HECW1: variants seen among roughly 807,000 people sequenced by gnomAD.
HECW1 encodes HECT, C2 and WW domain containing E3 ubiquitin protein ligase 1, also known as E3 ubiquitin-protein ligase HECW1.
HECW1 carries 61 observed loss-of-function variants against 182.3 expected under a neutral mutation model. That is an observed-to-expected ratio of 0.33 (90% CI 0.27 to 0.41). HECW1 has a LOEUF of 0.41. Ranked by LOEUF, HECW1 falls within the 10% of genes least tolerant of loss-of-function variation. The pLI is 1.00. For synonymous variants in HECW1, 859 were observed against 832.6 expected (o/e 1.03, Z -0.55); for missense variants, 1,739 against 2,108.9 (o/e 0.82, Z 3.44).
intron 2 of HECW1, among the ~76,000 whole-genome samples, chr7:43,190,867 T>C (rs921277938): frequency 1.3e-5 from 2 of 152,248 alleles, no homozygotes; most frequent in African/African-American, 4.8e-5. Context: ...TTCTGGCTGC[T>C]AATAGGTCAC....
intron 2 of HECW1, among the ~76,000 whole-genome samples, chr7:43,186,632 G>A (rs971136060): frequency 2.1e-5 from 3 of 144,200 alleles, no homozygotes; most frequent in Non-Finnish European, 4.5e-5. Flanking sequence ...TTGCACCACC[G>A]CACTCCAGCC....
intron 2 of HECW1, among the ~76,000 whole-genome samples, chr7:43,157,799 G>A (rs114845199): frequency 0.02 from 3,039 of 152,234 alleles, 85 homozygotes; most frequent in African/African-American, 0.069. Context: ...GAGCTCAAGC[G>A]GTGCACCTGT....
intron 5 of HECW1, among the ~76,000 whole-genome samples, chr7:43,347,156 C>T (rs1162372869): frequency 6.6e-6 from 1 of 152,162 alleles, no homozygotes; most frequent in African/African-American, 2.4e-5. Flanking sequence ...TTTGTGTCAT[C>T]TGTGATTTCT....
Position 43,541,627 on chromosome 7 carries a change from G to A in HECW1, c.4119-242G>A, listed in dbSNP as rs144972278. Among the ~76,000 whole-genome samples, 5 of 152,266 alleles carry A rather than the reference G, an allele frequency of 3.3e-5. No homozygotes were observed. The East Asian group carries it at 9.6e-4, about 29-fold the overall frequency. On this transcript the variant is annotated intron_variant, in intron 25 of 29. Coordinates refer to ENST00000395891, the MANE Select transcript of HECW1 (RefSeq NM_015052.5). ...TAGTTTTCTCCAATTTTCATGCAGA[G>A]TCCCTGAGTCAATAGTTATTTCATG...
intron 2 of HECW1, among the ~76,000 whole-genome samples, chr7:43,232,159 G>C (rs1387593557): frequency 2.6e-5 from 4 of 151,922 alleles, no homozygotes; most frequent in Non-Finnish European, 5.9e-5. Flanking sequence ...AAAAGAAAAA[G>C]TAGAGGACCT....
chr7:43,407,355 T>C (rs538897395), intron 7 of HECW1, among the ~76,000 whole-genome samples: 2 of 152,158 alleles, frequency 1.3e-5, no homozygotes, highest in Admixed American at 6.5e-5. Flanking sequence ...CCCATCAAAT[T>C]TCCAAAGTTG....
At chr7:43,195,506 C>T (rs1347038550) in intron 2 of HECW1, among the ~76,000 whole-genome samples, 1 of 152,126 alleles carries the variant, frequency 6.6e-6, no homozygotes, top group East Asian at 1.9e-4. Flanking sequence ...GTAGCCACGC[C>T]TCTTATGTTA....
chr7:43,445,061 C>T lies in HECW1; in HGVS notation c.1889C>T (p.Pro630Leu). 1 of 1,590,134 alleles carries T rather than the reference C, an allele frequency of 6.3e-7. No homozygotes were observed. The highest frequency in any genetic ancestry group is 8.6e-7 in the Non-Finnish European group (1 of 1,168,748). ...GGGGCTACTCCAGGCACGGCGCACC[C>T]TGGCCACTCCGGGGGCCACTTCCCC... ...PEGATPGTAH[P>L]GHSGGHFPSL... Residue 630 changes from proline to leucine, a missense_variant, in exon 11 of 30, where the codon CCT becomes CTT. Physicochemically the swap from Pro to Leu is moderately conservative, Grantham distance 98 (BLOSUM62 -3). Coordinates refer to ENST00000395891, the MANE Select transcript of HECW1 (RefSeq NM_015052.5).
At chr7:43,552,566 T>C (rs928361538) in intron 28 of HECW1, among the ~76,000 whole-genome samples, 3 of 152,174 alleles carry the variant, frequency 2.0e-5, no homozygotes, top group African/African-American at 7.2e-5. Context: ...TTGCTCTCAC[T>C]CTCACGCCCC....
At chr7:43,557,206 G>A (rs1255295040) in intron 29 of HECW1, among the ~76,000 whole-genome samples, 1 of 152,214 alleles carries the variant, frequency 6.6e-6, no homozygotes, top group Non-Finnish European at 1.5e-5. Flanking sequence ...CAGGCAGGAA[G>A]CAAAGCAGAC....
intron 5 of HECW1, among the ~76,000 whole-genome samples, chr7:43,335,772 C>G (rs369007208): frequency 1.0e-5 from 1 of 96,552 alleles, no homozygotes; most frequent in South Asian, 3.5e-4. Context: ...TTTCTTTTTT[C>G]TTTCTTCCTT....
chr7:43,514,239 G>A (rs1221572811), intron 24 of HECW1, among the ~76,000 whole-genome samples: 1 of 151,544 alleles, frequency 6.6e-6, no homozygotes, highest in African/African-American at 2.4e-5. Context: ...GTATGTGTCT[G>A]TTGTGTCTTT....
At chr7:43,483,829 G>A (rs1220301623) in intron 17 of HECW1, among the ~76,000 whole-genome samples, 7 of 152,112 alleles carry the variant, frequency 4.6e-5, no homozygotes, top group South Asian at 4.2e-4. Context: ...GATTACAGAC[G>A]TGAGCCACCA....
intron 24 of HECW1, among the ~76,000 whole-genome samples, chr7:43,530,611 T>C (rs2080945294): frequency 6.6e-6 from 1 of 152,190 alleles, no homozygotes; most frequent in African/African-American, 2.4e-5. Context: ...CTCTCCATAC[T>C]AACATATGAA....
chr7:43,146,424 T>C (rs541010894), intron 2 of HECW1, among the ~76,000 whole-genome samples: 1 of 152,188 alleles, frequency 6.6e-6, no homozygotes, highest in Non-Finnish European at 1.5e-5. Flanking sequence ...CACTAGATTA[T>C]ATGTATCAAT....
Position 43,565,977 on chromosome 7 carries a change from T to G in HECW1, c.*4051T>G, listed in dbSNP as rs1328603255. 2 of 189,618 alleles carry G rather than the reference T, an allele frequency of 1.1e-5. No individual in the cohort carries two copies. The highest frequency in any genetic ancestry group is 4.7e-5 in the African/African-American group (2 of 42,834). The allele number at this position is 189,618 out of a possible 1,614,324, so 11.7% of individuals were successfully genotyped here. A position where few individuals can be genotyped will look rare whatever the true frequency, so the allele number is the denominator to read the frequency against. On this transcript the variant is annotated 3_prime_UTR_variant, in exon 30 of 30. Transcript: ENST00000395891. ...TCCATCACACCATCTTCAAGGAATG[T>G]CAATAAACTCACTTTGGTATGGCAT...
At chr7:43,293,041 G>A (rs150482804) in intron 3 of HECW1, among the ~76,000 whole-genome samples, 8,902 of 151,932 alleles carry the variant, frequency 0.059, 350 homozygotes, top group Middle Eastern at 0.13. Context: ...TAGCTAACAC[G>A]GTGAAACCCC....
chr7:43,199,808 G>A (rs75166474), intron 2 of HECW1, among the ~76,000 whole-genome samples: 1,692 of 152,250 alleles, frequency 0.011, 25 homozygotes, highest in African/African-American at 0.038. Context: ...CCACGAATGA[G>A]TGCTATTTCC....
intron 2 of HECW1, among the ~76,000 whole-genome samples, chr7:43,205,635 G>A (rs543255212): frequency 4.7e-4 from 71 of 152,220 alleles, no homozygotes; most frequent in Admixed American, 1.2e-3. Flanking sequence ...TAAGAATGTC[G>A]CGCAGGTTGT....
Sources: allele counts gnomAD v4.1 joint callset (sites outside exome capture counted in the v4.1 genomes callset), GRCh38; gene constraint gnomAD v4.1.1; transcripts MANE v1.5; gene names NCBI Gene and HGNC (gene_info 2026-07-23, HGNC 2026-07-21).